Variants in RRM2 observed in about 807,000 individuals in gnomAD.
RRM2 encodes the protein ribonucleoside-diphosphate reductase subunit M2.
In RRM2, 6 loss-of-function variants were observed where a neutral mutation model predicts 45.9. That is an observed-to-expected ratio of 0.13 (90% CI 0.07 to 0.26). The LOEUF is 0.26. Among genes scored for constraint, RRM2 ranks in the 10% least tolerant of loss-of-function variants. The pLI is 1.00. For synonymous variants in RRM2, 177 were observed against 173.0 expected (o/e 1.02, Z -0.18); for missense variants, 343 against 489.5 (o/e 0.70, Z 2.82).
chr2:10,168,925 G>A lies in RRM2; in HGVS notation n.482+26550G>A, dbSNP rs568392090. 5.9e-5 allele frequency among the ~76,000 whole-genome samples: 9 copies of A among 152,170 alleles called. No individual in the cohort carries two copies. In the South Asian group the frequency reaches 1.9e-3, roughly 32 times the overall value. ...CTCAACACACACCCGTGTTTCATCTGTTATTCAACAAACACTGATCACTTG... is the reference window on the plus strand; with the variant it reads ...CTCAACACACACCCGTGTTTCATCTATTATTCAACAAACACTGATCACTTG... On this transcript the variant is annotated intron_variant and non_coding_transcript_variant, in intron 3 of 3. Coordinates refer to the RRM2 transcript ENST00000381786.
intron 3 of RRM2, among the ~76,000 whole-genome samples, chr2:10,181,365 G>T (rs1664043191): frequency 6.6e-6 from 1 of 152,154 alleles, no homozygotes; most frequent in South Asian, 2.1e-4. Flanking sequence ...AAATGTATTA[G>T]TTTTTGCAGC....
In RRM2 at chr2:10,169,336, C is replaced by A. The variant is rs1234233221; in HGVS notation, n.482+26961C>A. Among the ~76,000 whole-genome samples the A allele has an allele frequency of 6.6e-6, 1 of 152,090 alleles. No individual in the cohort carries two copies. Among genetic ancestry groups the A allele is most frequent in the Non-Finnish European group, 1.5e-5 (1 of 68,022 alleles). On this transcript the variant is annotated intron_variant and non_coding_transcript_variant, in intron 3 of 3. Coordinates refer to the RRM2 transcript ENST00000381786. This position sits in a 1 kb window ranked among gnomAD's most constrained non-coding sequence, Gnocchi z 5.1. ...CCCTTCAGGTGTAGTTTTAGACGTGCAACATGAGGGGAAATCTTAGGTTAA... is the reference window on the plus strand; with the variant it reads ...CCCTTCAGGTGTAGTTTTAGACGTGAAACATGAGGGGAAATCTTAGGTTAA...
At chr2:10,140,080 C>G (rs1312629060), upstream of RRM2, among the ~76,000 whole-genome samples, 1 of 151,988 alleles carries the variant, frequency 6.6e-6, no homozygotes, top group Non-Finnish European at 1.5e-5. Context: ...AAGCCCCTCT[C>G]TACTAAAAAT....
chr2:10,123,233 C>G, intron 2 of RRM2, 154 bp from the exon 3 acceptor site: 1 of 1,280,650 alleles, frequency 7.8e-7, no homozygotes, highest in Non-Finnish European at 1.0e-6. Context: ...CGGGCGTGCG[C>G]TCCTCTGCTG....
At chr2:10,125,847 T>C (rs1375406622) in intron 5 of RRM2, among the ~76,000 whole-genome samples, 3 of 151,994 alleles carry the variant, frequency 2.0e-5, no homozygotes, top group Admixed American at 6.6e-5. Context: ...GATTTGAACA[T>C]GTTTATAGGT....
At chr2:10,170,093 CT>C (rs1663767502) in intron 3 of RRM2, among the ~76,000 whole-genome samples, 2 of 152,178 alleles carry the variant, frequency 1.3e-5, no homozygotes, top group East Asian at 1.9e-4. Context: ...AAGGAGGTGC[CT>C]TTCCCTGCCA....
intron 3 of RRM2, among the ~76,000 whole-genome samples, chr2:10,144,629 A>C (rs1017156894): frequency 1.3e-5 from 2 of 152,138 alleles, no homozygotes; most frequent in African/African-American, 2.4e-5. Context: ...TTTAATAGCC[A>C]AGTTGTTGAG....
upstream of RRM2, among the ~76,000 whole-genome samples, chr2:10,137,878 A>G (rs1663018164): frequency 6.6e-6 from 1 of 152,220 alleles, no homozygotes. Flanking sequence ...GGCTGGGAAC[A>G]GGTCCTGCAG....
intron 3 of RRM2, among the ~76,000 whole-genome samples, chr2:10,168,568 A>T (rs772917965): frequency 1.3e-5 from 2 of 152,198 alleles, no homozygotes; most frequent in Non-Finnish European, 2.9e-5. Flanking sequence ...AAATGTCTTC[A>T]GTTTAAAATA....
At chr2:10,123,582 A>G (rs771202471) in intron 3 of RRM2, 52 bp downstream of exon 3, 2 of 1,573,118 alleles carry the variant, frequency 1.3e-6, no homozygotes, top group East Asian at 4.5e-5. Context: ...CACGCCTCAG[A>G]CATAAATGCA....
chr2:10,185,579 T>G lies in RRM2; in HGVS notation n.483-24732T>G, dbSNP rs1020918017. 6.6e-5 allele frequency among the ~76,000 whole-genome samples: 10 copies of G among 152,184 alleles called. No homozygotes were observed. Among genetic ancestry groups the G allele is most frequent in the Non-Finnish European group, 1.3e-4 (9 of 68,030 alleles). On this transcript the variant is annotated intron_variant and non_coding_transcript_variant, in intron 3 of 3. Transcript: ENST00000381786. The surrounding 1 kb of genome is among the most constrained non-coding windows in gnomAD (Gnocchi z 4.3). ...CAAATCCGGATGGTTTTAAGGTGAT[T>G]TTAGCCATCGAATTCCATATGACTC...
chr2:10,162,315 A>G (rs1426577438), intron 3 of RRM2, among the ~76,000 whole-genome samples: 1 of 152,178 alleles, frequency 6.6e-6, no homozygotes, highest in Non-Finnish European at 1.5e-5. Context: ...CTGCCACAGC[A>G]GGCTTTGGGA....
chr2:10,206,913 A>G (rs1205397650), intron 3 of RRM2, among the ~76,000 whole-genome samples: 2 of 152,244 alleles, frequency 1.3e-5, no homozygotes, highest in Non-Finnish European at 2.9e-5. Context: ...AGGGCAAAAT[A>G]AAGCCATTTT....
At chr2:10,208,321 A>G (rs915642753) in intron 3 of RRM2, among the ~76,000 whole-genome samples, 1 of 152,206 alleles carries the variant, frequency 6.6e-6, no homozygotes, top group Non-Finnish European at 1.5e-5. Flanking sequence ...CAGATTAAAT[A>G]CAGATCAACA....
At chr2:10,155,198 C>T in intron 3 of RRM2, 1 of 306,876 alleles carries the variant, frequency 3.3e-6, no homozygotes, top group Non-Finnish European at 6.3e-6. Flanking sequence ...AGTCTTGATT[C>T]AGGGCCTAAT....
chr2:10,205,372 G>A lies in RRM2; in HGVS notation n.483-4939G>A, dbSNP rs996771727. ...TCAGAACACATTTTGGGGCAGAACC[G>A]AGTTTTCTCTTCACTTTCAGACTCA... On this transcript the variant is annotated intron_variant and non_coding_transcript_variant, in intron 3 of 3. Transcript: ENST00000381786. This position sits in a 1 kb window ranked among gnomAD's most constrained non-coding sequence, Gnocchi z 4.8. 1.1e-4 allele frequency among the ~76,000 whole-genome samples: 16 copies of A among 152,298 alleles called. No individual in the cohort carries two copies. Among genetic ancestry groups the A allele is most frequent in the Non-Finnish European group, 1.9e-4 (13 of 68,032 alleles).
intron 3 of RRM2, among the ~76,000 whole-genome samples, chr2:10,200,294 G>T (rs1445371479): frequency 6.6e-6 from 1 of 152,188 alleles, no homozygotes; most frequent in Non-Finnish European, 1.5e-5. Flanking sequence ...CCTGTGAGTT[G>T]GGTGAATTCT....
At chr2:10,124,022 T>A in intron 4 of RRM2, 170 bp downstream of exon 4, 2 of 637,268 alleles carry the variant, frequency 3.1e-6, no homozygotes, top group Non-Finnish European at 5.6e-6. Flanking sequence ...TTCTTTCTTA[T>A]GGTATTTTCC....
intron 3 of RRM2, among the ~76,000 whole-genome samples, chr2:10,190,377 TGTG>T (rs551624604): frequency 2.2e-3 from 199 of 91,402 alleles, no homozygotes; most frequent in East Asian, 0.012. Flanking sequence ...AGTGTGATGA[TGTG>T]GTGATGGTGA....
Sources: gnomAD v4.1 joint callset for allele counts (sites outside exome capture counted in the v4.1 genomes callset) on GRCh38, gnomAD v4.1.1 for gene constraint, Gnocchi (gnomAD v3.1) non-coding constraint, MANE v1.5 for transcripts, NCBI Gene and HGNC (gene_info 2026-07-23, HGNC 2026-07-21) for gene names.